HPD: variants seen among roughly 807,000 people sequenced by gnomAD.
The protein encoded by HPD is 4-hydroxyphenylpyruvate dioxygenase.
In HPD, 35 loss-of-function variants were observed where a neutral mutation model predicts 56.9. That is an observed-to-expected ratio of 0.62 (90% confidence interval 0.47 to 0.82). HPD has a LOEUF of 0.82. HPD is among the 40% of genes least tolerant of loss of function. The probability of loss-of-function intolerance (pLI) is 0.00; values close to 1 mark genes in which losing one functional copy is unlikely to be tolerated. For synonymous variants in HPD, 186 were observed against 200.2 expected, an observed-to-expected ratio of 0.93 and a Z score of 0.60; for missense variants, 442 against 506.8, an observed-to-expected ratio of 0.87 and a Z score of 1.23.
chr12:121,858,049 C>T (rs1878070152), intron 2 of HPD, among the ~76,000 whole-genome samples: 1 of 131,668 alleles, frequency 7.6e-6, no homozygotes. Flanking sequence ...GCCAAGGTTT[C>T]ACACAGGGAA....
At chr12:121,885,016 G>A in the HPD span, among the ~76,000 whole-genome samples, 6 of 151,880 alleles carry the variant, frequency 4.0e-5, no homozygotes, top group Non-Finnish European at 2.9e-5. Context: ...TCAGTCTCCC[G>A]AGTAGCTGGG....
chr12:121,852,306 C>G (rs1359828685), intron 7 of HPD, among the ~76,000 whole-genome samples: 2 of 152,078 alleles, frequency 1.3e-5, no homozygotes, highest in Non-Finnish European at 2.9e-5. Context: ...AGGTGTGAGC[C>G]ACTGCACCTG....
upstream of HPD, among the ~76,000 whole-genome samples, chr12:121,861,536 A>C (rs1302974642): frequency 6.6e-6 from 1 of 151,968 alleles, no homozygotes; most frequent in Non-Finnish European, 1.5e-5. Context: ...TAAGTAAATA[A>C]AATGGAACAA....
At chr12:121,876,318 A>T in the HPD span, among the ~76,000 whole-genome samples, 1 of 129,854 alleles carries the variant, frequency 7.7e-6, no homozygotes, top group South Asian at 2.8e-4. Context: ...AAAAAATAAT[A>T]ATAATAAAAA....
chr12:121,864,604 A>G (rs1417783653), upstream of HPD, among the ~76,000 whole-genome samples: 5 of 150,368 alleles, frequency 3.3e-5, no homozygotes, highest in African/African-American at 1.2e-4. Flanking sequence ...CTGTAATCCC[A>G]GCACTTTGGG....
chr12:121,856,025 C>T (rs1408843402), intron 6 of HPD, among the ~76,000 whole-genome samples: 1 of 145,192 alleles, frequency 6.9e-6, no homozygotes. Flanking sequence ...CCTCCTTTGA[C>T]AACCCAGCTG....
At chr12:121,858,296 C>G (rs780291920) in intron 2 of HPD, among the ~76,000 whole-genome samples, 1 of 152,050 alleles carries the variant, frequency 6.6e-6, no homozygotes, top group South Asian at 2.1e-4. Context: ...TGATCTCCCC[C>G]ACCTTAGCCT....
the HPD span, among the ~76,000 whole-genome samples, chr12:121,878,971 G>A: frequency 4.6e-5 from 7 of 151,988 alleles, no homozygotes; most frequent in South Asian, 1.5e-3. Context: ...CACCATGACT[G>A]ACTTATTTTG....
At chr12:121,863,382 C>T (rs1878236199), upstream of HPD, 2 of 152,252 alleles carry the variant, frequency 1.3e-5, no homozygotes, top group Admixed American at 6.5e-5. Context: ...GATCCTTCCA[C>T]GCACTCCTTC....
the HPD span, among the ~76,000 whole-genome samples, chr12:121,869,211 A>G: frequency 6.6e-6 from 1 of 152,016 alleles, no homozygotes; most frequent in Non-Finnish European, 1.5e-5. Context: ...TTAACCGGAC[A>G]TGGTGGCAGA....
the HPD span, among the ~76,000 whole-genome samples, chr12:121,881,983 T>C: frequency 6.6e-6 from 1 of 151,310 alleles, no homozygotes; most frequent in African/African-American, 2.4e-5. Context: ...GGTTTCACCA[T>C]GTTCGCCAGG....
chr12:121,884,494 CG>C, the HPD span, among the ~76,000 whole-genome samples: 1 of 151,272 alleles, frequency 6.6e-6, no homozygotes, highest in South Asian at 2.1e-4. Flanking sequence ...TTTGTAGAGA[CG>C]TAAGTCTTGC....
chr12:121,886,397 C>A, the HPD span, among the ~76,000 whole-genome samples: 40 of 149,416 alleles, frequency 2.7e-4, no homozygotes, highest in South Asian at 2.1e-3. Context: ...CGTGAGCCAC[C>A]GCGCCTGGCC....
At position 121,847,030 on chromosome 12, in the gene HPD, C is replaced by T. The variant is rs114757207; in HGVS notation, c.759+22G>A. The T allele has an allele frequency of 1.5e-3, 2,410 of 1,614,100 alleles. 28 individuals are homozygous for T. The African/African-American group carries it at 0.029, about 19-fold the overall frequency. ...CAGACCTCTTCCCTGCTCCCCTCTC[C>T]CCCAGCCAGGGGCGGCCTCACCTGG... On this transcript the variant is annotated intron_variant, in intron 10 of 13. Coordinates refer to ENST00000289004, the MANE Select transcript of HPD (RefSeq NM_002150.3).
chr12:121,850,694 T>G (rs1877740859), intron 7 of HPD, among the ~76,000 whole-genome samples: 1 of 61,744 alleles, frequency 1.6e-5, no homozygotes, highest in Non-Finnish European at 4.4e-5. Context: ...TACCTAGCCT[T>G]TTTTTTTTTT....
chr12:121,867,163 C>G (rs1446064005), upstream of HPD, among the ~76,000 whole-genome samples: 1 of 152,090 alleles, frequency 6.6e-6, no homozygotes, highest in Non-Finnish European at 1.5e-5. Context: ...ACCAGTCTGG[C>G]CAACATGGCA....
In HPD at chr12:121,851,682, C is replaced by CATTTATTTATTT. The variant is rs1240851881; in HGVS notation, c.415-1904_415-1893dup. Among the ~76,000 whole-genome samples the CATTTATTTATTT allele has an allele frequency of 7.9e-4, 20 of 25,404 alleles. 1 individual carries two copies. The highest frequency in any genetic ancestry group is 1.1e-3 in the African/African-American group (6 of 5,650). The allele number at this position is 25,404 out of a possible 152,430, so 16.7% of individuals were successfully genotyped here. A position where few individuals can be genotyped will look rare whatever the true frequency, so the allele number is the denominator to read the frequency against. On this transcript the variant is annotated intron_variant, in intron 7 of 13. Transcript: ENST00000289004. ...TTTAACTTTTTAAAACATTTTTATT[C>CATTTATTTATTT]ATTTATTTATTTATTTATTTTTTTT...
chr12:121,882,161 A>G, the HPD span, among the ~76,000 whole-genome samples: 1 of 152,058 alleles, frequency 6.6e-6, no homozygotes, highest in Admixed American at 6.6e-5. Flanking sequence ...TATGGCTGTC[A>G]GAGTCCAGAC....
rs761194765 is a variant in HPD at position 121,858,835 on chromosome 12, G to A, written c.-12C>T. The A allele has an allele frequency of 5.6e-6, 9 of 1,614,150 alleles. No individual in the cohort carries two copies. The South Asian group carries it at 7.7e-5, about 14-fold the overall frequency. On this transcript the variant is annotated 5_prime_UTR_variant, in exon 1 of 14. Coordinates refer to ENST00000289004, the MANE Select transcript of HPD (RefSeq NM_002150.3). ...ATGGCACTTACCATGATTGATCTTAGTCAAACCTCCTACTGGGACTAGAGG... is the reference window on the plus strand; with the variant it reads ...ATGGCACTTACCATGATTGATCTTAATCAAACCTCCTACTGGGACTAGAGG...
Sources: allele counts gnomAD v4.1 joint callset (sites outside exome capture counted in the v4.1 genomes callset), GRCh38; gene constraint gnomAD v4.1.1; transcripts MANE v1.5; gene names NCBI Gene and HGNC (gene_info 2026-07-23, HGNC 2026-07-21).